ZNF236: variants seen among roughly 807,000 people sequenced by gnomAD.
The protein encoded by ZNF236 is regulated by glucose.
ZNF236 carries 50 observed loss-of-function variants against 191.2 expected under a neutral mutation model. The ratio of observed to expected loss-of-function variants is 0.26; its 90% CI spans 0.21 to 0.33. The LOEUF (loss-of-function observed/expected upper bound fraction) is 0.33, where lower values mean the gene tolerates loss of function less well. Among genes scored for constraint, ZNF236 ranks in the 10% least tolerant of loss-of-function variants. The pLI, the probability that ZNF236 is intolerant of heterozygous loss-of-function variation, is 1.00. For synonymous variants in ZNF236, 907 were observed against 928.8 expected, an observed-to-expected ratio of 0.98 and a Z score of 0.43; for missense variants, 1,754 against 2,374.5, an observed-to-expected ratio of 0.74 and a Z score of 5.43.
At chr18:76,867,614 A>AT (rs1976454025) in intron 3 of ZNF236, among the ~76,000 whole-genome samples, 1 of 152,236 alleles carries the variant, frequency 6.6e-6, no homozygotes, top group African/African-American at 2.4e-5. Flanking sequence ...TGTACAGTTC[A>AT]TTTTGAGGAT....
chr18:76,955,689 A>G (rs1393288767), intron 27 of ZNF236, among the ~76,000 whole-genome samples: 1 of 152,198 alleles, frequency 6.6e-6, no homozygotes, highest in Non-Finnish European at 1.5e-5. Context: ...TACTTAGCCC[A>G]GAGTAGCCCG....
rs1295334700 is a variant in ZNF236, at chr18:76,972,682, TAG to T, written c.*4344_*4345del. 3.3e-5 allele frequency among the ~76,000 whole-genome samples: 5 copies of T among 152,182 alleles called. No individual in the cohort carries two copies. Among genetic ancestry groups the T allele is most frequent in the African/African-American group, 1.2e-4 (5 of 41,436 alleles). ...ATAATTGACAAATTCTCAAGTGACA[TAG>T]GGATTTGTTCTTGATTCACCACTAA... On this transcript the variant is annotated 3_prime_UTR_variant, in exon 31 of 31. Coordinates refer to ENST00000320610, the MANE Select transcript of ZNF236 (RefSeq NM_001306089.2).
chr18:76,914,346 T>C (rs1967299364), intron 18 of ZNF236, among the ~76,000 whole-genome samples: 1 of 152,238 alleles, frequency 6.6e-6, no homozygotes, highest in South Asian at 2.1e-4. Flanking sequence ...TGGAGTTATT[T>C]CCATATTTTG....
In ZNF236 at chr18:76,895,299, G is replaced by A. The variant is rs776973243; in HGVS notation, c.1690+14G>A. On this transcript the variant is annotated intron_variant, in intron 10 of 30. Transcript: ENST00000320610. ...GCCTGCACACAGGTATGGCCTCAGG[G>A]CTGGGCCCACACGGGCACTGGCCAC... 38 of 1,595,752 alleles carry A rather than the reference G, an allele frequency of 2.4e-5. No homozygotes were observed. The highest frequency in any genetic ancestry group is 3.1e-5 in the Non-Finnish European group (37 of 1,177,084).
At chr18:76,907,160 C>G (rs188694678) in intron 13 of ZNF236, among the ~76,000 whole-genome samples, 30 of 152,244 alleles carry the variant, frequency 2.0e-4, no homozygotes, top group Middle Eastern at 3.4e-3. Flanking sequence ...GTTCTCCCTT[C>G]CACAGTAAAA....
At chr18:76,928,163 C>A in intron 25 of ZNF236, 57 bp downstream of exon 25, 1 of 1,361,140 alleles carries the variant, frequency 7.3e-7, no homozygotes, top group Non-Finnish European at 1.0e-6. Context: ...TACTGTATAT[C>A]TTACTATCTC....
chr18:76,946,783 CT>C (rs989418734), intron 26 of ZNF236, among the ~76,000 whole-genome samples: 6 of 152,154 alleles, frequency 3.9e-5, no homozygotes, highest in African/African-American at 1.4e-4. Context: ...GGTAAGAAGA[CT>C]TACAGTAGTT....
chr18:76,951,436 G>A (rs1438447503), intron 27 of ZNF236, among the ~76,000 whole-genome samples: 1 of 152,122 alleles, frequency 6.6e-6, no homozygotes, highest in Non-Finnish European at 1.5e-5. Context: ...TGTTATGGAG[G>A]GTGGCTTCTT....
intron 27 of ZNF236, among the ~76,000 whole-genome samples, chr18:76,953,045 C>T (rs1968446448): frequency 6.6e-6 from 1 of 152,158 alleles, no homozygotes; most frequent in Non-Finnish European, 1.5e-5. Flanking sequence ...TTTAAAAATC[C>T]TTTTCTTCAT....
At chr18:76,948,796 A>C (rs552983679) in intron 27 of ZNF236, among the ~76,000 whole-genome samples, 1 of 152,178 alleles carries the variant, frequency 6.6e-6, no homozygotes, top group Non-Finnish European at 1.5e-5. Flanking sequence ...GGGCTTAGCT[A>C]TGCGGTCTCC....
chr18:76,938,252 T>C (rs750644267), intron 26 of ZNF236, among the ~76,000 whole-genome samples: 2 of 151,814 alleles, frequency 1.3e-5, no homozygotes, highest in Non-Finnish European at 2.9e-5. Context: ...TGGCCAGGCG[T>C]GGCAGTACAC....
intron 11 of ZNF236, among the ~76,000 whole-genome samples, chr18:76,899,446 GATTAGAGACAAATA>G (rs1977528106): frequency 6.6e-6 from 1 of 152,178 alleles, no homozygotes; most frequent in African/African-American, 2.4e-5. Flanking sequence ...TGTTTTCTCG[GATTAGAGACAAATA>G]ATGTGTAAGT....
rs1455688681 is a variant in ZNF236, at chr18:76,899,014, A to T, written c.1691-5A>T. ...AATTCTAAAATGTGATTTCATTTTT[A>T]TTAGGAGTTAGACCTTTTGCTTGTC... On this transcript the variant is annotated splice_region_variant and splice_polypyrimidine_tract_variant and intron_variant, in intron 10 of 30. Coordinates refer to ENST00000320610, the MANE Select transcript of ZNF236 (RefSeq NM_001306089.2). 2 of 1,605,940 alleles carry T rather than the reference A, an allele frequency of 1.2e-6. No individual in the cohort carries two copies. The highest frequency in any genetic ancestry group is 1.7e-6 in the Non-Finnish European group (2 of 1,174,396).
Position 76,895,370 on chromosome 18 carries a change from G to C in ZNF236, c.1690+85G>C, listed in dbSNP as rs1024504711. ...CGCACATATACCAAACACAGGTATG[G>C]CACACAGTAGGCACACAGGTACTGC... On this transcript the variant is annotated intron_variant, in intron 10 of 30. Coordinates refer to ENST00000320610, the MANE Select transcript of ZNF236 (RefSeq NM_001306089.2). 2.6e-6 allele frequency: 4 copies of C among 1,532,336 alleles called. No homozygotes were observed. In the African/African-American group the frequency reaches 5.4e-5, roughly 21 times the overall value. 94.9% of individuals were successfully genotyped at this position (1,532,336 alleles called of 1,614,324 possible).
At chr18:76,898,236 A>G (rs1977491974) in intron 10 of ZNF236, 1 of 152,234 alleles carries the variant, frequency 6.6e-6, no homozygotes, top group African/African-American at 2.4e-5. Context: ...GATGTAATTT[A>G]CATATAATAT....
intron 1 of ZNF236, among the ~76,000 whole-genome samples, chr18:76,833,368 C>T (rs1975227798): frequency 6.6e-6 from 1 of 152,070 alleles, no homozygotes; most frequent in African/African-American, 2.4e-5. Flanking sequence ...TATAAGATTA[C>T]ATAAGTTTTA....
chr18:76,887,201 G>GAAA (rs1313330665), intron 9 of ZNF236: 1 of 152,030 alleles, frequency 6.6e-6, no homozygotes, highest in African/African-American at 2.4e-5. Context: ...GGTGAAACCT[G>GAAA]TCTCTACTAA....
chr18:76,952,174 G>A lies in ZNF236; in HGVS notation c.4915-3811G>A, dbSNP rs947349643. ...AATGGCACCAGTAGACTTGCTCGAA[G>A]CAGCCTCGCCACAAACTTTCAATTT... On this transcript the variant is annotated intron_variant, in intron 27 of 30. Coordinates refer to ENST00000320610, the MANE Select transcript of ZNF236 (RefSeq NM_001306089.2). Among the ~76,000 whole-genome samples the A allele has an allele frequency of 2.6e-5, 4 of 152,312 alleles. No individual in the cohort carries two copies. The South Asian group carries it at 6.2e-4, about 24-fold the overall frequency.
At chr18:76,924,684 C>G (rs549070450) in intron 21 of ZNF236, among the ~76,000 whole-genome samples, 1 of 152,332 alleles carries the variant, frequency 6.6e-6, no homozygotes, top group South Asian at 2.1e-4. Flanking sequence ...ACACTAGGCA[C>G]ACAGCCCTTT....
Sources: gnomAD v4.1 joint callset for allele counts (sites outside exome capture counted in the v4.1 genomes callset) on GRCh38, gnomAD v4.1.1 for gene constraint, MANE v1.5 for transcripts, NCBI Gene and HGNC (gene_info 2026-07-23, HGNC 2026-07-21) for gene names.